The following HAPLN1 variants were observed in gnomAD, a reference collection of about 807,000 sequenced individuals.
The protein encoded by HAPLN1 is hyaluronan and proteoglycan link protein 1, also known as Cartilage link protein.
Under a neutral mutation model 36.5 loss-of-function variants are expected in HAPLN1, and 13 were observed. The observed-to-expected ratio is 0.36, with a 90% CI of 0.23 to 0.57. HAPLN1 has a LOEUF of 0.57. HAPLN1 is among the 20% of genes least tolerant of loss of function. The pLI is 0.83. For missense variants in HAPLN1, 407 were observed against 439.7 expected (o/e 0.93, Z 0.66); for synonymous variants, 202 against 169.8 (o/e 1.19, Z -1.48).
At chr5:83,686,565 T>C (rs1436041495) in intron 1 of HAPLN1, among the ~76,000 whole-genome samples, 1 of 152,204 alleles carries the variant, frequency 6.6e-6, no homozygotes, top group Non-Finnish European at 1.5e-5. Context: ...TAGTATGTTT[T>C]AGTGATGAAT....
chr5:83,662,777 A>G (rs336948), intron 2 of HAPLN1, among the ~76,000 whole-genome samples: 34,958 of 152,080 alleles, frequency 0.23, 4,057 homozygotes, highest in South Asian at 0.35. Context: ...ACTTGTCTCC[A>G]TTCAGACCAC....
intron 1 of HAPLN1, among the ~76,000 whole-genome samples, chr5:83,701,880 C>G (rs940286203): frequency 2.6e-5 from 4 of 151,824 alleles, no homozygotes; most frequent in Non-Finnish European, 4.4e-5. Flanking sequence ...GAGCCGAGAT[C>G]GCTCCACTGC....
chr5:83,652,362 A>G, intron 3 of HAPLN1, 91 bp downstream of exon 3: 1 of 1,314,562 alleles, frequency 7.6e-7, no homozygotes, highest in Non-Finnish European at 1.0e-6. Context: ...TCACTTTATT[A>G]CTGTGTTAAC....
chr5:83,718,356 A>C (rs971040583), intron 1 of HAPLN1, among the ~76,000 whole-genome samples: 1 of 152,168 alleles, frequency 6.6e-6, no homozygotes, highest in South Asian at 2.1e-4. Context: ...AGAGTATTTT[A>C]AGAAGCCGGT....
chr5:83,673,628 C>T lies in HAPLN1; in HGVS notation c.-26-79G>A. The T allele has an allele frequency of 3.8e-6, 3 of 783,008 alleles. No homozygotes were observed. In the South Asian group the frequency reaches 4.6e-5, roughly 12 times the overall value. 48.5% of individuals were successfully genotyped at this position (783,008 alleles called of 1,614,324 possible). A position where few individuals can be genotyped will look rare whatever the true frequency, so the allele number is the denominator to read the frequency against. ...GTTGCACTGCACAACTTATTACCGC[C>T]TTATCATCATAGAATGGGTCTGTAA... On this transcript the variant is annotated intron_variant, in intron 1 of 4. Transcript: ENST00000274341.
At position 83,641,468 on chromosome 5, in the gene HAPLN1, T is replaced by A; in HGVS notation, c.*28A>T. 2 of 1,547,914 alleles carry A rather than the reference T, an allele frequency of 1.3e-6. No homozygotes were observed. The highest frequency in any genetic ancestry group is 2.8e-5 in the African/African-American group (2 of 72,616). On this transcript the variant is annotated 3_prime_UTR_variant, in exon 5 of 5. Transcript: ENST00000274341. ...CACCTTTCACATGTTCTTAATGACTTTAAAACTGATGCGCTCTAAGGGCAC... is the reference window on the plus strand; with the variant it reads ...CACCTTTCACATGTTCTTAATGACTATAAAACTGATGCGCTCTAAGGGCAC...
At position 83,640,766 on chromosome 5, in the gene HAPLN1, CAT is replaced by C. The variant is rs1749660793; in HGVS notation, c.*728_*729del. 1 of 151,960 alleles carries C rather than the reference CAT, an allele frequency of 6.6e-6. No homozygotes were observed. Among genetic ancestry groups the C allele is most frequent in the South Asian group, 2.1e-4 (1 of 4,822 alleles). The allele number at this position is 151,960 out of a possible 1,614,324, so 9.4% of individuals were successfully genotyped here. A position where few individuals can be genotyped will look rare whatever the true frequency, so the allele number is the denominator to read the frequency against. On this transcript the variant is annotated 3_prime_UTR_variant, in exon 5 of 5. Coordinates refer to ENST00000274341, the MANE Select transcript of HAPLN1 (RefSeq NM_001884.4). ...AAAAGATAAAACAATTCCTCTTAGA[CAT>C]GTGTAATTTTAATTATAAGAAGGTA... is the stretch of plus-strand genomic sequence containing the variant.
intron 1 of HAPLN1, among the ~76,000 whole-genome samples, chr5:83,693,843 T>C (rs986979518): frequency 1.3e-5 from 2 of 151,846 alleles, no homozygotes; most frequent in East Asian, 1.9e-4. Context: ...CAAAATGATA[T>C]AGAATTGTAA....
intron 1 of HAPLN1, among the ~76,000 whole-genome samples, chr5:83,703,210 C>T (rs1037031715): frequency 1.1e-4 from 16 of 152,106 alleles, no homozygotes; most frequent in African/African-American, 3.6e-4. Flanking sequence ...CTTTTACTAC[C>T]ACTGCCCCCT....
At chr5:83,649,709 A>G (rs1033256165) in intron 3 of HAPLN1, among the ~76,000 whole-genome samples, 2 of 152,114 alleles carry the variant, frequency 1.3e-5, no homozygotes, top group African/African-American at 4.8e-5. Flanking sequence ...TTGGCTTCCC[A>G]AAGTGCTGGG....
intron 1 of HAPLN1, among the ~76,000 whole-genome samples, chr5:83,716,510 C>T (rs1462557568): frequency 2.0e-5 from 3 of 152,172 alleles, no homozygotes; most frequent in Admixed American, 6.5e-5. Context: ...ACATTTGATA[C>T]TTAAATTCTG....
intron 1 of HAPLN1, among the ~76,000 whole-genome samples, chr5:83,692,426 T>C (rs1037716928): frequency 2.0e-5 from 3 of 151,866 alleles, no homozygotes; most frequent in African/African-American, 7.2e-5. Flanking sequence ...AAGGTAAAGA[T>C]GAAGGCTGAT....
intron 1 of HAPLN1, among the ~76,000 whole-genome samples, chr5:83,704,005 G>T (rs1580161942): frequency 2.0e-5 from 3 of 151,626 alleles, no homozygotes; most frequent in Middle Eastern, 3.4e-3. Context: ...AGAGAGAAAG[G>T]GCAGGTCACC....
intron 1 of HAPLN1, among the ~76,000 whole-genome samples, chr5:83,716,345 G>C (rs958981832): frequency 2.1e-4 from 32 of 152,172 alleles, no homozygotes; most frequent in Admixed American, 1.6e-3. Flanking sequence ...TTGAGAACCA[G>C]CCCTTTAACT....
intron 1 of HAPLN1, among the ~76,000 whole-genome samples, chr5:83,698,437 G>C (rs1195951492): frequency 6.6e-6 from 1 of 151,864 alleles, no homozygotes; most frequent in East Asian, 1.9e-4. Context: ...TTCTTTTTCT[G>C]TGACATATGT....
intron 2 of HAPLN1, among the ~76,000 whole-genome samples, chr5:83,672,853 T>C (rs530043348): frequency 6.6e-5 from 10 of 152,214 alleles, no homozygotes; most frequent in Non-Finnish European, 8.8e-5. Context: ...AATAGCTGCA[T>C]TGTACTGCAG....
At chr5:83,666,120 T>G (rs1330081766) in intron 2 of HAPLN1, among the ~76,000 whole-genome samples, 1 of 152,222 alleles carries the variant, frequency 6.6e-6, no homozygotes, top group Non-Finnish European at 1.5e-5. Flanking sequence ...ACCTCTTGAT[T>G]GAATATTTTA....
rs559249337 is a variant in HAPLN1 at position 83,639,640 on chromosome 5, G to A, written c.*1856C>T. Reference sequence around the variant, plus strand: ...ATATCATCTCATCCTAGACCATTTAGGTATCTTCCTTAATTTAGAAGTGCA... The same window carrying A: ...ATATCATCTCATCCTAGACCATTTAAGTATCTTCCTTAATTTAGAAGTGCA... On this transcript the variant is annotated 3_prime_UTR_variant, in exon 5 of 5. Coordinates refer to ENST00000274341, the MANE Select transcript of HAPLN1 (RefSeq NM_001884.4). 7.9e-5 allele frequency: 12 copies of A among 152,040 alleles called. No homozygotes were observed. The East Asian group carries it at 2.3e-3, about 29-fold the overall frequency. The allele number at this position is 152,040 out of a possible 1,614,324, so 9.4% of individuals were successfully genotyped here. A position where few individuals can be genotyped will look rare whatever the true frequency, so the allele number is the denominator to read the frequency against.
chr5:83,663,936 C>T (rs1330835296), intron 2 of HAPLN1, among the ~76,000 whole-genome samples: 7 of 151,962 alleles, frequency 4.6e-5, no homozygotes, highest in African/African-American at 1.7e-4. Flanking sequence ...ACTCTTGGCC[C>T]ACCGTAATCC....
Sources: gnomAD v4.1 joint callset for allele counts (sites outside exome capture counted in the v4.1 genomes callset) on GRCh38, gnomAD v4.1.1 for gene constraint, MANE v1.5 for transcripts, NCBI Gene and HGNC (gene_info 2026-07-23, HGNC 2026-07-21) for gene names.